ROBO2: variants seen among roughly 807,000 people sequenced by gnomAD.
ROBO2 encodes the protein roundabout guidance receptor 2.
In ROBO2, 53 loss-of-function variants were observed where a neutral mutation model predicts 160.8. The observed-to-expected ratio is 0.33, with a 90% confidence interval of 0.26 to 0.41. The LOEUF (loss-of-function observed/expected upper bound fraction) is 0.41, where lower values mean the gene tolerates loss of function less well. ROBO2 is among the 10% of genes least tolerant of loss of function. The probability of loss-of-function intolerance (pLI) is 1.00; values close to 1 mark genes in which losing one functional copy is unlikely to be tolerated. For missense variants in ROBO2, 1,577 were observed against 1,722.4 expected (o/e 0.92, Z 1.49); for synonymous variants, 664 against 611.7 (o/e 1.09, Z -1.26).
intron 2 of ROBO2, among the ~76,000 whole-genome samples, chr3:77,151,912 T>A (rs2077575248): frequency 6.6e-6 from 1 of 152,194 alleles, no homozygotes; most frequent in South Asian, 2.1e-4. Context: ...CCATTTAAAT[T>A]CTATCCTTTA....
At chr3:76,575,625 C>T (rs1367911775) in intron 2 of ROBO2, among the ~76,000 whole-genome samples, 1 of 152,000 alleles carries the variant, frequency 6.6e-6, no homozygotes, top group Non-Finnish European at 1.5e-5. Context: ...ACGACTTGTT[C>T]TCTATAGAAA....
At chr3:77,382,534 C>G (rs935689729) in intron 2 of ROBO2, among the ~76,000 whole-genome samples, 5 of 151,804 alleles carry the variant, frequency 3.3e-5, no homozygotes, top group African/African-American at 1.2e-4. Flanking sequence ...TACGTTGAAC[C>G]CAGTATGTAG....
intron 2 of ROBO2, among the ~76,000 whole-genome samples, chr3:77,115,605 C>G (rs896229867): frequency 2.6e-5 from 4 of 152,060 alleles, no homozygotes; most frequent in Non-Finnish European, 5.9e-5. Context: ...TAAAAATAAG[C>G]GGAATCATCA....
At chr3:76,957,691 C>T (rs756796643) in intron 2 of ROBO2, among the ~76,000 whole-genome samples, 12 of 151,810 alleles carry the variant, frequency 7.9e-5, no homozygotes, top group African/African-American at 1.7e-4. Context: ...ATTAGCCTGG[C>T]GTGGTGGCAC....
intron 2 of ROBO2, among the ~76,000 whole-genome samples, chr3:76,115,503 A>G (rs2070428080): frequency 6.6e-6 from 1 of 152,108 alleles, no homozygotes; most frequent in African/African-American, 2.4e-5. Context: ...CCATGCTTTC[A>G]TCTCAGTCCA....
chr3:76,795,989 G>A (rs561177733), intron 2 of ROBO2, among the ~76,000 whole-genome samples: 1 of 152,110 alleles, frequency 6.6e-6, no homozygotes, highest in East Asian at 1.9e-4. Context: ...GAACTCTTGA[G>A]TGACTAGGTG....
At chr3:76,520,540 T>C (rs1009166792) in intron 2 of ROBO2, among the ~76,000 whole-genome samples, 1 of 152,162 alleles carries the variant, frequency 6.6e-6, no homozygotes, top group African/African-American at 2.4e-5. Context: ...AGTCACTGGA[T>C]TTTACAGCTG....
At chr3:76,428,296 G>T (rs2076299307) in intron 2 of ROBO2, among the ~76,000 whole-genome samples, 1 of 152,062 alleles carries the variant, frequency 6.6e-6, no homozygotes, top group Non-Finnish European at 1.5e-5. Flanking sequence ...GTTTAACCCT[G>T]TGGATACCTC....
chr3:76,424,918 C>G (rs987174128), intron 2 of ROBO2, among the ~76,000 whole-genome samples: 9 of 152,184 alleles, frequency 5.9e-5, no homozygotes, highest in African/African-American at 2.2e-4. Flanking sequence ...CTGGAGCATG[C>G]TGAACTCAAC....
intron 2 of ROBO2, among the ~76,000 whole-genome samples, chr3:76,220,304 G>A (rs1028865976): frequency 1.3e-5 from 2 of 151,580 alleles, no homozygotes; most frequent in African/African-American, 4.9e-5. Context: ...TTGTGCATAT[G>A]TACCCTAAAA....
chr3:76,712,603 A>G (rs28450206), intron 2 of ROBO2, among the ~76,000 whole-genome samples: 2,571 of 152,106 alleles, frequency 0.017, 63 homozygotes, highest in African/African-American at 0.05. Flanking sequence ...TGAACCTGGG[A>G]GGCAGAGGTT....
At chr3:76,003,854 G>A (rs951161892) in intron 2 of ROBO2, among the ~76,000 whole-genome samples, 25 of 152,252 alleles carry the variant, frequency 1.6e-4, no homozygotes, top group African/African-American at 4.8e-4. Flanking sequence ...ACCATTAGTC[G>A]TTAGGAAAAT....
chr3:76,943,315 TGTTAG>T (rs1249671911), intron 2 of ROBO2, among the ~76,000 whole-genome samples: 2 of 152,168 alleles, frequency 1.3e-5, no homozygotes, highest in Admixed American at 1.3e-4. Flanking sequence ...CGTTGCTATC[TGTTAG>T]TAGTTGTGTC....
chr3:76,955,315 A>G (rs1440780552), intron 2 of ROBO2, among the ~76,000 whole-genome samples: 1 of 152,166 alleles, frequency 6.6e-6, no homozygotes, highest in Non-Finnish European at 1.5e-5. Context: ...TAATGCTGCA[A>G]GAAATGTGTG....
chr3:77,246,327 A>ATG (rs71104664), intron 2 of ROBO2, among the ~76,000 whole-genome samples: 4,695 of 145,280 alleles, frequency 0.032, 61 homozygotes, highest in Non-Finnish European at 0.036. Flanking sequence ...GTGTATGTGT[A>ATG]TGTGTGTGTG....
upstream of ROBO2, among the ~76,000 whole-genome samples, chr3:77,038,063 T>C (rs1233879409): frequency 6.6e-6 from 1 of 152,214 alleles, no homozygotes; most frequent in Admixed American, 6.5e-5. Flanking sequence ...TTACTTTCCT[T>C]TTCCAGAGAT....
At chr3:77,277,252 C>T (rs2153366218) in intron 2 of ROBO2, among the ~76,000 whole-genome samples, 1 of 113,520 alleles carries the variant, frequency 8.8e-6, no homozygotes, top group Non-Finnish European at 2.0e-5. Context: ...TTCTTTCTTT[C>T]TTGTCTTTCT....
chr3:77,244,145 A>G (rs563304941), intron 2 of ROBO2, among the ~76,000 whole-genome samples: 11 of 152,314 alleles, frequency 7.2e-5, no homozygotes, highest in African/African-American at 2.6e-4. Flanking sequence ...CTGATACATA[A>G]AAGGCCTCAG....
chr3:76,049,403 A>ATATATATATATTTTTTTTT (rs1414664360), intron 2 of ROBO2, among the ~76,000 whole-genome samples: 2 of 53,760 alleles, frequency 3.7e-5, no homozygotes, highest in East Asian at 6.3e-4. Flanking sequence ...ATATATATAT[A>ATATATATATATTTTTTTTT]TTTTTTTTTT....
Sources: allele counts gnomAD v4.1 joint callset (sites outside exome capture counted in the v4.1 genomes callset), GRCh38; gene constraint gnomAD v4.1.1; transcripts MANE v1.5; gene names NCBI Gene and HGNC (gene_info 2026-07-23, HGNC 2026-07-21).